Variants in SPOCK1 observed in about 807,000 individuals in gnomAD.
SPOCK1 encodes the protein SPARC (osteonectin), cwcv and kazal like domains proteoglycan 1.
Under a neutral mutation model 55.3 loss-of-function variants are expected in SPOCK1, and 23 were observed. The ratio of observed to expected loss-of-function variants is 0.42; its 90% CI spans 0.30 to 0.59. The LOEUF (loss-of-function observed/expected upper bound fraction) is 0.59. SPOCK1 is among the 20% of genes least tolerant of loss of function. The pLI, the probability that SPOCK1 is intolerant of heterozygous loss-of-function variation, is 0.22. For synonymous variants in SPOCK1, 226 were observed against 221.0 expected, an observed-to-expected ratio of 1.02 and a Z score of -0.20; for missense variants, 499 against 552.5, an observed-to-expected ratio of 0.90 and a Z score of 0.97.
chr5:137,145,049 C>T (rs555287952), intron 3 of SPOCK1, among the ~76,000 whole-genome samples: 22 of 152,162 alleles, frequency 1.4e-4, no homozygotes, highest in Non-Finnish European at 3.1e-4. Flanking sequence ...ACAGAGCAGG[C>T]GCCCACCAAA....
At chr5:137,427,078 C>T (rs753195828) in intron 2 of SPOCK1, among the ~76,000 whole-genome samples, 2 of 152,176 alleles carry the variant, frequency 1.3e-5, no homozygotes, top group Non-Finnish European at 2.9e-5. Flanking sequence ...ACTTCCAGGT[C>T]GAACGGTTAA....
At chr5:137,161,334 T>C (rs1454085765) in intron 3 of SPOCK1, among the ~76,000 whole-genome samples, 1 of 151,842 alleles carries the variant, frequency 6.6e-6, no homozygotes, top group African/African-American at 2.4e-5. Flanking sequence ...ATGGAACATG[T>C]CAGTTGAAAT....
chr5:137,070,222 A>G (rs1752585912), intron 5 of SPOCK1, among the ~76,000 whole-genome samples: 1 of 152,238 alleles, frequency 6.6e-6, no homozygotes, highest in South Asian at 2.1e-4. Context: ...GGCAGAGAAC[A>G]TGGAACAGAG....
At chr5:137,433,323 G>T (rs913501631) in intron 2 of SPOCK1, among the ~76,000 whole-genome samples, 1 of 101,540 alleles carries the variant, frequency 9.8e-6, no homozygotes, top group Non-Finnish European at 2.1e-5. Flanking sequence ...ACATTAGGGT[G>T]AACAGAAAAG....
chr5:137,227,216 C>T (rs1444987794), intron 3 of SPOCK1, among the ~76,000 whole-genome samples: 6 of 152,222 alleles, frequency 3.9e-5, no homozygotes, highest in Non-Finnish European at 5.9e-5. Flanking sequence ...GAGAAGGATG[C>T]TTAATGGCAA....
intron 3 of SPOCK1, among the ~76,000 whole-genome samples, chr5:137,222,637 C>G (rs932874569): frequency 1.3e-5 from 2 of 152,154 alleles, no homozygotes; most frequent in African/African-American, 4.8e-5. Flanking sequence ...ATTCTAAAAA[C>G]AGGTGCTTGA....
At chr5:137,261,764 T>C (rs1371602408) in intron 3 of SPOCK1, among the ~76,000 whole-genome samples, 1 of 152,220 alleles carries the variant, frequency 6.6e-6, no homozygotes, top group African/African-American at 2.4e-5. Context: ...GATTCCACTT[T>C]AAAGGAACCC....
At chr5:136,992,443 T>C (rs2126964202) in intron 7 of SPOCK1, 41 bp downstream of exon 7, 3 of 1,463,884 alleles carry the variant, frequency 2.0e-6, no homozygotes, top group South Asian at 1.2e-5. Flanking sequence ...TAAATCAATG[T>C]CTAATAAATT....
intron 3 of SPOCK1, among the ~76,000 whole-genome samples, chr5:137,250,951 C>T (rs1180882503): frequency 6.6e-6 from 1 of 152,154 alleles, no homozygotes; most frequent in African/African-American, 2.4e-5. Flanking sequence ...CCCTACACAC[C>T]AGCTGATGGC....
intron 3 of SPOCK1, among the ~76,000 whole-genome samples, chr5:137,249,738 C>T (rs1756470573): frequency 6.6e-6 from 1 of 152,162 alleles, no homozygotes; most frequent in Admixed American, 6.5e-5. Context: ...AAAATGCCTT[C>T]CCAAATTATA....
chr5:137,317,656 C>G (rs139988943), intron 2 of SPOCK1, among the ~76,000 whole-genome samples: 1 of 152,184 alleles, frequency 6.6e-6, no homozygotes, highest in East Asian at 1.9e-4. Flanking sequence ...ATGTCTGACA[C>G]GTCAACCCTA....
At chr5:137,330,742 T>C (rs773532697) in intron 2 of SPOCK1, among the ~76,000 whole-genome samples, 1 of 152,348 alleles carries the variant, frequency 6.6e-6, no homozygotes, top group South Asian at 2.1e-4. Flanking sequence ...GAAGGAGTTG[T>C]GTGAATCTTT....
In SPOCK1 at chr5:136,992,711, A is replaced by G. The variant is rs1342775587; in HGVS notation, c.590-111T>C. On this transcript the variant is annotated intron_variant, in intron 6 of 10. Transcript: ENST00000394945. ...GCAAACCTTTCTATCCAACCACGAT[A>G]TAACTGTTACCTCACGTGGAAAACA... The G allele has an allele frequency of 5.5e-6, 4 of 729,034 alleles. No homozygotes were observed. In the African/African-American group the frequency reaches 7.2e-5, roughly 13 times the overall value. 45.2% of individuals were successfully genotyped at this position (729,034 alleles called of 1,614,324 possible).
intron 6 of SPOCK1, among the ~76,000 whole-genome samples, chr5:137,022,263 T>C (rs1037531504): frequency 6.6e-6 from 1 of 152,096 alleles, no homozygotes; most frequent in Non-Finnish European, 1.5e-5. Context: ...AGACCACAAG[T>C]GGGTGTTCCA....
At chr5:137,452,282 C>CT (rs905871923) in intron 2 of SPOCK1, among the ~76,000 whole-genome samples, 1 of 152,118 alleles carries the variant, frequency 6.6e-6, no homozygotes, top group African/African-American at 2.4e-5. Context: ...ATTAGATGAG[C>CT]TTTTTTGCCA....
At chr5:137,391,723 C>T (rs966077884) in intron 2 of SPOCK1, among the ~76,000 whole-genome samples, 1 of 152,122 alleles carries the variant, frequency 6.6e-6, no homozygotes, top group African/African-American at 2.4e-5. Flanking sequence ...CTGCATTTTT[C>T]ACATGTCCCC....
intron 2 of SPOCK1, among the ~76,000 whole-genome samples, chr5:137,480,547 T>C (rs1276788904): frequency 9.2e-5 from 14 of 152,122 alleles, no homozygotes. Flanking sequence ...GAAAATAATG[T>C]GTCCAAGAGA....
At chr5:136,984,392 C>CTGTATTAAATAATTT (rs1750799960) in intron 9 of SPOCK1, among the ~76,000 whole-genome samples, 1 of 152,080 alleles carries the variant, frequency 6.6e-6, no homozygotes, top group African/African-American at 2.4e-5. Flanking sequence ...GGGAATAATT[C>CTGTATTAAATAATTT]TGTATTACTG....
chr5:137,350,116 C>T (rs1339292910), intron 2 of SPOCK1, among the ~76,000 whole-genome samples: 1 of 152,118 alleles, frequency 6.6e-6, no homozygotes, highest in African/African-American at 2.4e-5. Context: ...GAAACAGATG[C>T]TTGAGAGTCA....
Sources: gnomAD v4.1 joint callset for allele counts (sites outside exome capture counted in the v4.1 genomes callset) on GRCh38, gnomAD v4.1.1 for gene constraint, MANE v1.5 for transcripts, NCBI Gene and HGNC (gene_info 2026-07-23, HGNC 2026-07-21) for gene names.